Variants in ABCA3 observed in about 807,000 individuals in gnomAD.
ABCA3 encodes the protein ATP binding cassette subfamily A member 3.
ABCA3 carries 88 observed loss-of-function variants against 172.8 expected under a neutral mutation model. The observed-to-expected ratio is 0.51, with a 90% confidence interval of 0.43 to 0.61. The LOEUF (loss-of-function observed/expected upper bound fraction) is 0.61, where lower values mean the gene tolerates loss of function less well. Among genes scored for constraint, ABCA3 ranks in the 20% least tolerant of loss-of-function variants. ABCA3 has a pLI of 0.00. For synonymous variants in ABCA3, 1,066 were observed against 983.8 expected, an observed-to-expected ratio of 1.08 and a Z score of -1.56; for missense variants, 2,164 against 2,301.0, an observed-to-expected ratio of 0.94 and a Z score of 1.22.
intron 4 of ABCA3, 42 bp downstream of exon 4, chr16:2,326,371 G>A: frequency 6.2e-7 from 1 of 1,612,482 alleles, no homozygotes; most frequent in African/African-American, 1.3e-5. Flanking sequence ...GGAGCCTCTG[G>A]GCTAGGCACG....
chr16:2,313,813 T>C (rs1006386284), intron 10 of ABCA3, among the ~76,000 whole-genome samples: 3 of 151,296 alleles, frequency 2.0e-5, no homozygotes, highest in Non-Finnish European at 1.5e-5. Context: ...GAGAATCACT[T>C]GAACCCAGAA....
Position 2,332,745 on chromosome 16 carries a change from C to A in ABCA3, c.-538-2891G>T, listed in dbSNP as rs541308523. ...CCCGCACCGATTGCCTCCTCCATTT[C>A]TTTATTTGTGGTTTGCAGGTATTTT... On this transcript the variant is annotated intron_variant, in intron 1 of 32. Transcript: ENST00000301732. 86 of 1,093,098 alleles carry A rather than the reference C, an allele frequency of 7.9e-5. No individual in the cohort carries two copies. The African/African-American group carries it at 9.2e-4, about 12-fold the overall frequency. The allele number at this position is 1,093,098 out of a possible 1,614,324, so 67.7% of individuals were successfully genotyped here.
intron 10 of ABCA3, among the ~76,000 whole-genome samples, chr16:2,315,310 A>C (rs1156334645): frequency 6.6e-6 from 1 of 152,130 alleles, no homozygotes; most frequent in Admixed American, 6.6e-5. Flanking sequence ...ATGAGCCCTC[A>C]GATCGAAATG....
intron 3 of ABCA3, among the ~76,000 whole-genome samples, chr16:2,328,172 A>G (rs2093737319): frequency 6.6e-6 from 1 of 152,194 alleles, no homozygotes; most frequent in Non-Finnish European, 1.5e-5. Context: ...AGCAGAAATG[A>G]GAGCTTAGAT....
In ABCA3 at chr16:2,284,300, C is replaced by G; in HGVS notation, c.3841G>C (p.Ala1281Pro). 6.2e-7 allele frequency: 1 copy of G among 1,613,572 alleles called. No homozygotes were observed. The highest frequency in any genetic ancestry group is 8.5e-7 in the Non-Finnish European group (1 of 1,179,884). ...RRYCTSSEVA[A>P]HYCKKYNIQY... ...TCACTATATTTCTTGCAGTAGTGGG[C>G]GGCGACCTCGGAGGAGGTGCAGTAC... is the stretch of plus-strand genomic sequence containing the variant. The change falls in exon 25 of 33, where the codon GCC (alanine) becomes CCC (proline). Residue 1281 changes from alanine to proline, a missense_variant. This residue lies in a region of ABCA3 where 795 missense variants were observed against 881.9 expected (regional missense o/e 0.90). Coordinates refer to ENST00000301732, the MANE Select transcript of ABCA3 (RefSeq NM_001089.3). The surrounding 1 kb of genome is among the most constrained non-coding windows in gnomAD (Gnocchi z 5.9).
chr16:2,323,350 G>A lies in ABCA3; in HGVS notation c.613+173C>T, dbSNP rs372518384. The A allele has an allele frequency of 2.6e-5, 21 of 794,006 alleles. 2 individuals carry two copies. Among genetic ancestry groups the A allele is most frequent in the Admixed American group, 1.9e-4 (10 of 52,150 alleles). 49.2% of individuals were successfully genotyped at this position (794,006 alleles called of 1,614,324 possible). A position where few individuals can be genotyped will look rare whatever the true frequency, so the allele number is the denominator to read the frequency against. ...AAATCATGCTGCTATAAGGACACAT[G>A]CACACGTATGTTTATTGCGGCACTA... On this transcript the variant is annotated intron_variant, in intron 7 of 32. Transcript: ENST00000301732.
intron 18 of ABCA3, 75 bp from the exon 19 acceptor site, chr16:2,292,313 C>T (rs45605731): frequency 6.7e-6 from 9 of 1,333,880 alleles, no homozygotes; most frequent in Admixed American, 3.7e-5. Flanking sequence ...GCATCACCCC[C>T]CCTCGGCCAG....
intron 10 of ABCA3, among the ~76,000 whole-genome samples, chr16:2,316,490 CAAAAAAAAAAAAAAAAAAAAAAAA>C (rs71148128): frequency 6.9e-5 from 2 of 28,864 alleles, no homozygotes; most frequent in African/African-American, 3.0e-4. Flanking sequence ...ACTAAAAATG[CAAAAAAAAAAAAAAAAAAAAAAAA>C]AAAAAAAAAA....
intron 12 of ABCA3, among the ~76,000 whole-genome samples, chr16:2,303,357 G>C (rs1230396918): frequency 6.6e-6 from 1 of 150,594 alleles, no homozygotes; most frequent in African/African-American, 2.4e-5. Context: ...CGCCTCCCAG[G>C]TTCATGCCAT....
rs968080956 is a variant in ABCA3 at position 2,278,388 on chromosome 16, C to T, written c.4618G>A (p.Glu1540Lys). Residue 1540 changes from glutamate (E) to lysine (K), a missense_variant, in exon 30 of 33, where the codon GAG becomes AAG. Transcript: ENST00000301732. This position sits in a 1 kb window ranked among gnomAD's most constrained non-coding sequence, Gnocchi z 4.4. ...ACGGGGTCCATGCCAGTGGACGGCTCGTCCAGGAAGATGACAGCAGGCTCT... is the reference window on the plus strand; with the variant it reads ...ACGGGGTCCATGCCAGTGGACGGCTTGTCCAGGAAGATGACAGCAGGCTCT... ...IGEPAVIFLD[E>K]PSTGMDPVAR... 5.6e-6 allele frequency: 9 copies of T among 1,612,450 alleles called. No homozygotes were observed. The highest frequency in any genetic ancestry group is 6.8e-6 in the Non-Finnish European group (8 of 1,179,964).
At chr16:2,310,477 A>G (rs2093704965) in intron 10 of ABCA3, among the ~76,000 whole-genome samples, 1 of 151,970 alleles carries the variant, frequency 6.6e-6, no homozygotes, top group Non-Finnish European at 1.5e-5. Context: ...TCCACAATTT[A>G]CTGAGAAGAG....
chr16:2,330,022 G>T (rs1055155839), intron 1 of ABCA3, among the ~76,000 whole-genome samples, 168 bp from the exon 2 acceptor site: 30 of 152,078 alleles, frequency 2.0e-4, no homozygotes, highest in Admixed American at 1.9e-3. Flanking sequence ...GGCCGGGCAC[G>T]GTGGCTCATG....
rs756865415 is a variant in ABCA3, at chr16:2,276,757, A to G, written c.5032T>C (p.Tyr1678His). The G allele has an allele frequency of 1.2e-6, 2 of 1,614,020 alleles. No individual in the cohort carries two copies. The highest frequency in any genetic ancestry group is 2.2e-5 in the East Asian group (1 of 44,878). ...KAKEKYGVDD[Y>H]SVSQISLEQV... Reference sequence around the variant, plus strand: ...TCCAGCGAGATCTGGCTCACGGAGTAGTCGTCCACGCCGTACTTTTCCTTG... The same window carrying G: ...TCCAGCGAGATCTGGCTCACGGAGTGGTCGTCCACGCCGTACTTTTCCTTG... Residue 1678 changes from tyrosine (Y) to histidine (H), a missense_variant, in exon 33 of 33, where the codon TAC becomes CAC. Physicochemically the swap from Tyr to His is moderately conservative, Grantham distance 83. Around this residue, in one of 3 missense-constraint regions of ABCA3, gnomAD observed 795 missense variants for 881.9 expected, o/e 0.90. Coordinates refer to ENST00000301732, the MANE Select transcript of ABCA3 (RefSeq NM_001089.3).
chr16:2,301,419 G>A (rs1475559961), intron 12 of ABCA3, among the ~76,000 whole-genome samples: 1 of 151,890 alleles, frequency 6.6e-6, no homozygotes, highest in Admixed American at 6.6e-5. Flanking sequence ...AAACAGAAAT[G>A]GCCTCGGCTG....
Position 2,283,129 on chromosome 16 carries a change from C to G in ABCA3, c.4035+57G>C. 3 of 1,564,938 alleles carry G rather than the reference C, an allele frequency of 1.9e-6. No individual in the cohort carries two copies. The highest frequency in any genetic ancestry group is 2.6e-6 in the Non-Finnish European group (3 of 1,148,564). ...GGAGCTGCCCCAGGTTGTGCTGGGC[C>G]CAAGCAGAGACGTGGGGAGCATCTC... is the stretch of plus-strand genomic sequence containing the variant. On this transcript the variant is annotated intron_variant, in intron 26 of 32. Transcript: ENST00000301732. The surrounding 1 kb of genome is among the most constrained non-coding windows in gnomAD (Gnocchi z 5.4).
chr16:2,319,970 G>A (rs1017390348), intron 7 of ABCA3, 130 bp from the exon 8 acceptor site: 41 of 1,242,240 alleles, frequency 3.3e-5, no homozygotes, highest in Admixed American at 1.3e-4. Context: ...CAGGACCCCC[G>A]TGGCCGCTCA....
Position 2,278,245 on chromosome 16 carries a change from C to G in ABCA3, c.4718+43G>C. 2 of 1,603,220 alleles carry G rather than the reference C, an allele frequency of 1.2e-6. No homozygotes were observed. Among genetic ancestry groups the G allele is most frequent in the African/African-American group, 1.3e-5 (1 of 75,034 alleles). On this transcript the variant is annotated intron_variant, in intron 30 of 32. Coordinates refer to ENST00000301732, the MANE Select transcript of ABCA3 (RefSeq NM_001089.3). This position sits in a 1 kb window ranked among gnomAD's most constrained non-coding sequence, Gnocchi z 4.4. ...GGCCACCTGGCTCCTCCATGGCCCA[C>G]CCGGTGCTGAAACTTCCAGTAACCC...
At chr16:2,299,279 T>C (rs1221362806) in intron 14 of ABCA3, 124 bp downstream of exon 14, 2 of 1,388,472 alleles carry the variant, frequency 1.4e-6, no homozygotes, top group Non-Finnish European at 2.0e-6. Context: ...CTGAGGTGCA[T>C]CTCCTGCCGC....
chr16:2,280,144 A>G (rs2093652804), intron 28 of ABCA3, among the ~76,000 whole-genome samples: 1 of 152,240 alleles, frequency 6.6e-6, no homozygotes, highest in Admixed American at 6.5e-5. Flanking sequence ...TCTGGAACTC[A>G]GATTACATGT....
Sources: allele counts gnomAD v4.1 joint callset (sites outside exome capture counted in the v4.1 genomes callset), GRCh38; gene constraint gnomAD v4.1.1; regional missense constraint gnomAD v4.1.1; non-coding constraint Gnocchi (gnomAD v3.1); transcripts MANE v1.5; gene names NCBI Gene and HGNC (gene_info 2026-07-23, HGNC 2026-07-21).